The following TMEM39B variants were observed in gnomAD, a reference collection of about 807,000 sequenced individuals.
TMEM39B encodes transmembrane protein 39B.
TMEM39B carries 23 observed loss-of-function variants against 52.2 expected under a neutral mutation model. The observed-to-expected ratio is 0.44, with a 90% CI of 0.32 to 0.62. TMEM39B has a LOEUF of 0.62. TMEM39B is among the 20% of genes least tolerant of loss of function. The pLI, the probability that TMEM39B is intolerant of heterozygous loss-of-function variation, is 0.06. For missense variants in TMEM39B, 547 were observed against 642.0 expected (o/e 0.85, Z 1.60); for synonymous variants, 285 against 264.0 (o/e 1.08, Z -0.77).
At chr1:32,099,614 G>A (rs115955025) in intron 7 of TMEM39B, among the ~76,000 whole-genome samples, 1 of 152,260 alleles carries the variant, frequency 6.6e-6, no homozygotes, top group African/African-American at 2.4e-5. Context: ...AGGGAGAGAC[G>A]TGAAGCAGTA....
chr1:32,084,312 A>G (rs1640245916), intron 5 of TMEM39B, among the ~76,000 whole-genome samples: 1 of 152,036 alleles, frequency 6.6e-6, no homozygotes, highest in Admixed American at 6.6e-5. Flanking sequence ...CTCCTGCTGC[A>G]GTCTGGAGTG....
At chr1:32,093,229 G>C (rs1640676957) in intron 6 of TMEM39B, among the ~76,000 whole-genome samples, 1 of 150,420 alleles carries the variant, frequency 6.6e-6, no homozygotes, top group South Asian at 2.1e-4. Context: ...CTCCCAAGTA[G>C]CTGGGATTAC....
intron 5 of TMEM39B, 88 bp from the exon 6 acceptor site, chr1:32,091,587 C>T: frequency 1.4e-6 from 2 of 1,447,848 alleles, no homozygotes; most frequent in Non-Finnish European, 1.9e-6. Flanking sequence ...AGCTGAGGCC[C>T]AGGAAGGAAA....
In TMEM39B at chr1:32,075,629, G is replaced by A. The variant is rs1382794119; in HGVS notation, c.158G>A (p.Ser53Asn). Residue 53 changes from serine (S) to asparagine (N), a missense_variant, in exon 3 of 9, where the codon AGC becomes AAC. Physicochemically the swap from Ser to Asn is conservative, Grantham distance 46. Transcript: ENST00000336294. ...TRSSSGTGLS[S>N]PPLATQTVVP... ...AGCAGTTCTGGAACAGGCCTCTCCA[G>A]CCCTCCTCTGGCCACCCAAACTGTT... 3.2e-6 allele frequency: 5 copies of A among 1,551,552 alleles called. 1 individual carries two copies. In the South Asian group the frequency reaches 4.8e-5, roughly 15 times the overall value.
intron 1 of TMEM39B, chr1:32,073,388 A>T: frequency 6.1e-6 from 2 of 329,624 alleles, no homozygotes; most frequent in Non-Finnish European, 4.8e-6. Flanking sequence ...AGGGGGCGCT[A>T]GTGCAGTCGG....
At chr1:32,090,867 C>G (rs1289702102) in intron 5 of TMEM39B, among the ~76,000 whole-genome samples, 1 of 152,104 alleles carries the variant, frequency 6.6e-6, no homozygotes, top group Non-Finnish European at 1.5e-5. Flanking sequence ...GTCTCAATCT[C>G]CTTACCCTGT....
At chr1:32,089,490 G>A (rs1640515153) in intron 5 of TMEM39B, among the ~76,000 whole-genome samples, 1 of 151,936 alleles carries the variant, frequency 6.6e-6, no homozygotes, top group African/African-American at 2.4e-5. Context: ...CTTGACCACA[G>A]TTCTGTTTTT....
chr1:32,102,287 C>A, intron 8 of TMEM39B, 144 bp from the exon 9 acceptor site: 2 of 1,122,374 alleles, frequency 1.8e-6, no homozygotes, highest in Non-Finnish European at 2.5e-6. Flanking sequence ...AAGTCCACAT[C>A]CAACCCCAGA....
intron 5 of TMEM39B, among the ~76,000 whole-genome samples, chr1:32,083,392 A>G (rs1239747040): frequency 1.2e-5 from 1 of 86,248 alleles, no homozygotes; most frequent in African/African-American, 4.8e-5. Context: ...CGGCAGGAAC[A>G]TTTTTTTAAA....
chr1:32,095,249 T>C (rs964070074), intron 7 of TMEM39B, among the ~76,000 whole-genome samples: 1 of 152,192 alleles, frequency 6.6e-6, no homozygotes, highest in Non-Finnish European at 1.5e-5. Context: ...ACTCATTGCC[T>C]TACTTGCTCA....
intron 5 of TMEM39B, among the ~76,000 whole-genome samples, chr1:32,087,309 C>G (rs1640394734): frequency 8.3e-6 from 1 of 120,592 alleles, no homozygotes; most frequent in Non-Finnish European, 1.7e-5. Flanking sequence ...CAGAGTGAGA[C>G]TCCGTCTCAC....
intron 7 of TMEM39B, among the ~76,000 whole-genome samples, chr1:32,096,472 TTTTTTG>T (rs1640812570): frequency 6.9e-6 from 1 of 145,236 alleles, no homozygotes. Context: ...TTTTTTTTTT[TTTTTTG>T]AGATGGAGTC....
Position 32,073,034 on chromosome 1 carries a change from A to C in TMEM39B, c.-14A>C. The C allele has an allele frequency of 6.5e-7, 1 of 1,526,804 alleles. No homozygotes were observed. The allele number at this position is 1,526,804 out of a possible 1,614,324, so 94.6% of individuals were successfully genotyped here. A position where few individuals can be genotyped will look rare whatever the true frequency, so the allele number is the denominator to read the frequency against. ...GAGCTGCGGCGGCGAAGCGGAGAGC[A>C]CCGGGGGGAGGAGATGGGTGAGCAG... is the stretch of plus-strand genomic sequence containing the variant. On this transcript the variant is annotated 5_prime_UTR_variant, in exon 1 of 9. Coordinates refer to ENST00000336294, the MANE Select transcript of TMEM39B (RefSeq NM_018056.4).
At chr1:32,080,012 C>T (rs1640028169) in intron 5 of TMEM39B, among the ~76,000 whole-genome samples, 1 of 151,970 alleles carries the variant, frequency 6.6e-6, no homozygotes, top group South Asian at 2.1e-4. Flanking sequence ...GCCTTGGCCT[C>T]CCAAAGTGCT....
At chr1:32,074,530 C>T (rs1286678448) in intron 1 of TMEM39B, among the ~76,000 whole-genome samples, 1 of 152,034 alleles carries the variant, frequency 6.6e-6, no homozygotes, top group East Asian at 1.9e-4. Context: ...TGTAATAGGA[C>T]AGACAAGCAA....
rs987796993 is a variant in TMEM39B, at chr1:32,079,256, C to T, written c.590+1938C>T. ...CTGGAGTGCAGTGGCACAATCTTGGCTCACTGCAAGCTCCACCTCCCGGGT... is the reference window on the plus strand; with the variant it reads ...CTGGAGTGCAGTGGCACAATCTTGGTTCACTGCAAGCTCCACCTCCCGGGT... On this transcript the variant is annotated intron_variant, in intron 5 of 8. Coordinates refer to ENST00000336294, the MANE Select transcript of TMEM39B (RefSeq NM_018056.4). 2.0e-5 allele frequency among the ~76,000 whole-genome samples: 3 copies of T among 150,440 alleles called. No homozygotes were observed. In the East Asian group the frequency reaches 5.9e-4, roughly 30 times the overall value.
At chr1:32,072,881 C>G (rs750013707), upstream of TMEM39B, 20 of 894,088 alleles carry the variant, frequency 2.2e-5, no homozygotes, top group Non-Finnish European at 2.6e-5. Flanking sequence ...AAGAAGCGCG[C>G]GCCAGCTTCC....
At position 32,073,071 on chromosome 1, in the gene TMEM39B, C is replaced by A; in HGVS notation, c.4+20C>A. On this transcript the variant is annotated intron_variant, in intron 1 of 8. Transcript: ENST00000336294. The stretch of plus-strand genomic sequence containing the variant: ...AGATGGGTGAGCAGAGCGGCTCAGG[C>A]TCGGCCTGGCAACGAGCGGGCGCAC... 6.8e-7 allele frequency: 1 copy of A among 1,471,638 alleles called. No individual in the cohort carries two copies. Among genetic ancestry groups the A allele is most frequent in the Non-Finnish European group, 9.0e-7 (1 of 1,107,302 alleles). The allele number at this position is 1,471,638 out of a possible 1,614,324, so 91.2% of individuals were successfully genotyped here.
At chr1:32,073,273 C>CT (rs1178501956) in intron 1 of TMEM39B, 2 of 547,966 alleles carry the variant, frequency 3.6e-6, no homozygotes, top group African/African-American at 2.0e-5. Context: ...AGACGAAGCC[C>CT]TGTGGGGGCT....
Sources: gnomAD v4.1 joint callset for allele counts (sites outside exome capture counted in the v4.1 genomes callset) on GRCh38, gnomAD v4.1.1 for gene constraint, MANE v1.5 for transcripts, NCBI Gene and HGNC (gene_info 2026-07-23, HGNC 2026-07-21) for gene names.